OIP5: variants seen among roughly 807,000 people sequenced by gnomAD.
OIP5 encodes the protein protein Mis18-beta.
Under a neutral mutation model 20.3 loss-of-function variants are expected in OIP5, and 24 were observed. That is an observed-to-expected ratio of 1.18 (90% CI 0.86 to 1.66). The LOEUF is 1.66. Among genes scored for constraint, OIP5 ranks in the 40% most tolerant of loss-of-function variants. OIP5 has a pLI of 0.00. For missense variants in OIP5, 339 were observed against 289.5 expected, an observed-to-expected ratio of 1.17 and a Z score of -1.24; for synonymous variants, 143 against 121.3, an observed-to-expected ratio of 1.18 and a Z score of -1.17.
chr15:41,324,493 ATTTG>A (rs1268847196), intron 2 of OIP5, among the ~76,000 whole-genome samples: 7 of 151,904 alleles, frequency 4.6e-5, no homozygotes, highest in East Asian at 3.9e-4. Context: ...CCATTTATTT[ATTTG>A]TTTGTTTGTT....
At chr15:41,331,019 AG>A (rs975633440) in intron 2 of OIP5, among the ~76,000 whole-genome samples, 5 of 152,198 alleles carry the variant, frequency 3.3e-5, no homozygotes, top group African/African-American at 1.2e-4. Flanking sequence ...GGAAAAAGAA[AG>A]GGAGCTGTGG....
At chr15:41,322,959 T>C (rs1032055008) in intron 2 of OIP5, among the ~76,000 whole-genome samples, 2 of 151,126 alleles carry the variant, frequency 1.3e-5, no homozygotes, top group African/African-American at 4.9e-5. Flanking sequence ...AAAAATCACA[T>C]AGCTAAAAAG....
chr15:41,322,245 CCTAGG>C (rs1342468756), intron 2 of OIP5, among the ~76,000 whole-genome samples: 1 of 152,062 alleles, frequency 6.6e-6, no homozygotes, highest in Non-Finnish European at 1.5e-5. Context: ...TCGAGAGCAG[CCTAGG>C]CAACATGGTA....
chr15:41,330,552 C>T lies in OIP5; in HGVS notation c.389+1363G>A, dbSNP rs112254996. Among the ~76,000 whole-genome samples, 636 of 152,000 alleles carry T rather than the reference C, an allele frequency of 4.2e-3. 4 individuals are homozygous for T. Among genetic ancestry groups the T allele is most frequent in the Non-Finnish European group, 5.7e-3 (386 of 67,992 alleles). ...CTGAGTAGCTGGGACTACAGGCGCC[C>T]GCCACTATGCCTGGCTAATTTTTTG... On this transcript the variant is annotated intron_variant, in intron 2 of 4. Coordinates refer to ENST00000220514, the MANE Select transcript of OIP5 (RefSeq NM_007280.2).
chr15:41,320,831 A>T (rs1014271478), intron 2 of OIP5, among the ~76,000 whole-genome samples: 1 of 147,746 alleles, frequency 6.8e-6, no homozygotes, highest in Non-Finnish European at 1.5e-5. Context: ...CCCATCTAGG[A>T]AGTGAGGAGC....
In OIP5 at chr15:41,332,281, G is replaced by A. The variant is rs1233642637; in HGVS notation, c.281C>T (p.Ala94Val). 3 of 1,571,158 alleles carry A rather than the reference G, an allele frequency of 1.9e-6. No homozygotes were observed. Among genetic ancestry groups the A allele is most frequent in the Admixed American group, 3.7e-5 (2 of 53,416 alleles). Residue 94 changes from alanine to valine, a missense_variant, in exon 1 of 5, where the codon GCC becomes GTC. By Grantham distance (64) the Ala-to-Val change is moderately conservative. Coordinates refer to ENST00000220514, the MANE Select transcript of OIP5 (RefSeq NM_007280.2). Reference protein sequence around the residue: ...HAVLADSVHLAWDLSRSLGAV... With the variant: ...HAVLADSVHLVWDLSRSLGAV... ...CCCGAGGGACCGCGACAGGTCCCAG[G>A]CGAGGTGCACCGAGTCGGCGAGCAC...
chr15:41,322,540 G>A (rs1248136544), intron 2 of OIP5, among the ~76,000 whole-genome samples: 1 of 152,094 alleles, frequency 6.6e-6, no homozygotes, highest in African/African-American at 2.4e-5. Context: ...GGGACTACAG[G>A]TGCATGCTAC....
At chr15:41,322,923 G>A (rs758088873) in intron 2 of OIP5, among the ~76,000 whole-genome samples, 166 of 150,080 alleles carry the variant, frequency 1.1e-3, no homozygotes, top group Non-Finnish European at 9.8e-4. Context: ...CAACAAGAGC[G>A]AAACTCCATC....
chr15:41,319,567 C>G (rs2047809942), intron 3 of OIP5, 91 bp downstream of exon 3: 1 of 1,377,146 alleles, frequency 7.3e-7, no homozygotes, highest in Non-Finnish European at 9.8e-7. Flanking sequence ...TTTGTCTTTC[C>G]TGAAAAACCT....
intron 3 of OIP5, among the ~76,000 whole-genome samples, chr15:41,315,615 A>C (rs1320536677): frequency 6.6e-6 from 1 of 152,112 alleles, no homozygotes; most frequent in East Asian, 1.9e-4. Flanking sequence ...GAATGTCCTG[A>C]CCTTTTATCC....
intron 4 of OIP5, among the ~76,000 whole-genome samples, chr15:41,310,417 G>A (rs1199685158): frequency 6.6e-6 from 1 of 152,110 alleles, no homozygotes; most frequent in African/African-American, 2.4e-5. Context: ...ACGAGGTCAG[G>A]AGATCAAGAC....
Position 41,332,227 on chromosome 15 carries a change from T to C in OIP5, c.322+13A>G. 2.0e-6 allele frequency: 3 copies of C among 1,534,722 alleles called. No homozygotes were observed. On this transcript the variant is annotated intron_variant, in intron 1 of 4. Transcript: ENST00000220514. The stretch of plus-strand genomic sequence containing the variant: ...CTAGCCTCTGCCTTTCCCGAACGCT[T>C]CACTGCACTCACTGGAGAAGACCAC...
chr15:41,326,509 C>T (rs966834600), intron 2 of OIP5, among the ~76,000 whole-genome samples: 2 of 152,138 alleles, frequency 1.3e-5, no homozygotes, highest in African/African-American at 4.8e-5. Flanking sequence ...CCACAACCTC[C>T]GTCTCCTAGG....
At position 41,309,507 on chromosome 15, in the gene OIP5, T is replaced by C. The variant is rs2047740667; in HGVS notation, c.*247A>G. The stretch of plus-strand genomic sequence containing the variant: ...AGTCAAAGACATTTTCAGAGATAAG[T>C]ATTATGAATTCAATAAGAATCTAAA... On this transcript the variant is annotated 3_prime_UTR_variant, in exon 5 of 5. Transcript: ENST00000220514. The C allele has an allele frequency of 3.0e-6, 1 of 330,280 alleles. No homozygotes were observed. The highest frequency in any genetic ancestry group is 5.6e-6 in the Non-Finnish European group (1 of 179,516). The allele number at this position is 330,280 out of a possible 1,614,324, so 20.5% of individuals were successfully genotyped here.
At chr15:41,331,650 AT>A (rs1198790308) in intron 2 of OIP5, among the ~76,000 whole-genome samples, 1 of 152,076 alleles carries the variant, frequency 6.6e-6, no homozygotes, top group African/African-American at 2.4e-5. Flanking sequence ...CCAAAAGGTT[AT>A]TTTTTTCTTT....
rs768059422 is a variant in OIP5, at chr15:41,332,309, C to A, written c.253G>T (p.Ala85Ser). Residue 85 changes from alanine to serine, a missense_variant, in exon 1 of 5, where the codon GCA (alanine) becomes TCA (serine). By Grantham distance (99) the Ala-to-Ser change is moderately conservative. Transcript: ENST00000220514. ...AGGTGCACCGAGTCGGCGAGCACTG[C>A]GTGACACTGTGCGCACTGGAACACA... ...CAVFQCAQCH[A>S]VLADSVHLAW... 4 of 1,603,902 alleles carry A rather than the reference C, an allele frequency of 2.5e-6. No homozygotes were observed. Among genetic ancestry groups the A allele is most frequent in the African/African-American group, 2.7e-5 (2 of 74,636 alleles).
At chr15:41,313,095 A>G (rs1309625029) in intron 4 of OIP5, among the ~76,000 whole-genome samples, 178 bp downstream of exon 4, 4 of 152,230 alleles carry the variant, frequency 2.6e-5, no homozygotes, top group Non-Finnish European at 4.4e-5. Context: ...TTCCTGAACT[A>G]TACCTTACAG....
chr15:41,320,798 G>A lies in OIP5; in HGVS notation c.390-1018C>T, dbSNP rs2047818607. ...CTGGCTGCCCAGTCTGGAAAGTGAG[G>A]AGCGTCTCTGCCCGCCCGCCATCCC... is the stretch of plus-strand genomic sequence containing the variant. On this transcript the variant is annotated intron_variant, in intron 2 of 4. Transcript: ENST00000220514. Among the ~76,000 whole-genome samples, 3 of 151,420 alleles carry A rather than the reference G, an allele frequency of 2.0e-5. No homozygotes were observed. In the South Asian group the frequency reaches 6.3e-4, roughly 32 times the overall value.
At chr15:41,316,654 G>C (rs574162935) in intron 3 of OIP5, among the ~76,000 whole-genome samples, 1 of 151,944 alleles carries the variant, frequency 6.6e-6, no homozygotes, top group South Asian at 2.1e-4. Flanking sequence ...GCCAAGCGTG[G>C]TGGTGGGCGC....
Sources: allele counts gnomAD v4.1 joint callset (sites outside exome capture counted in the v4.1 genomes callset), GRCh38; gene constraint gnomAD v4.1.1; transcripts MANE v1.5; gene names NCBI Gene and HGNC (gene_info 2026-07-23, HGNC 2026-07-21).